Variants in PSG9 observed in about 807,000 individuals in gnomAD.
PSG9 encodes pregnancy specific beta-1-glycoprotein 9, also known as pregnancy-specific beta-1-glycoprotein 9.
A neutral mutation model predicts 41.9 loss-of-function variants in PSG9; 49 were observed. The observed-to-expected ratio is 1.17, with a 90% confidence interval of 0.93 to 1.48. The LOEUF is 1.48. Ranked by LOEUF, PSG9 falls within the 40% of genes most tolerant of loss-of-function variation. The probability of loss-of-function intolerance (pLI) is 0.00; values close to 1 mark genes in which losing one functional copy is unlikely to be tolerated. For missense variants in PSG9, 641 were observed against 520.3 expected, an observed-to-expected ratio of 1.23 and a Z score of -2.26; for synonymous variants, 263 against 196.8, an observed-to-expected ratio of 1.34 and a Z score of -2.82.
chr19:43,254,127 G>A (rs1392118395), intron 5 of PSG9, among the ~76,000 whole-genome samples: 2 of 145,548 alleles, frequency 1.4e-5, no homozygotes, highest in African/African-American at 2.6e-5. Flanking sequence ...GAAAAAGGTA[G>A]GTACTGTTGA....
rs1969060259 is a variant in PSG9, at chr19:43,268,016, G to A, written c.198C>T (p.Phe66=). 3 of 1,613,862 alleles carry A rather than the reference G, an allele frequency of 1.9e-6. No individual in the cohort carries two copies. Among genetic ancestry groups the A allele is most frequent in the Non-Finnish European group, 2.5e-6 (3 of 1,179,916 alleles). ...GGTCCGTCATTTCCCCTTTGTACCA[G>A]AAGTAGCCAGGAAGATTCTGGGGCA... ...HNLPQNLPGY[F]WYKGEMTDLY... is the part of the protein sequence containing the mutation. Residue 66 remains phenylalanine, a synonymous_variant, in exon 2 of 6, where the codon TTC becomes TTT. Coordinates refer to ENST00000270077, the MANE Select transcript of PSG9 (RefSeq NM_002784.5).
At position 43,258,203 on chromosome 19, in the gene PSG9, AG is replaced by A. The variant is rs1312943738; in HGVS notation, c.1241del (p.Ser414LeufsTer8). On this transcript the variant is annotated frameshift_variant and splice_region_variant, in exon 5 of 6. Coordinates refer to ENST00000270077, the MANE Select transcript of PSG9 (RefSeq NM_002784.5). LOFTEE classifies it high-confidence loss of function. ...CCAAGGATGCTGGGATCCACTTACC[AG>A]AGACTTTGACTGTCATGGATTTGGA... ...EISKSMTVKV[S>X]GPCHGDLTES... 11 of 1,592,808 alleles carry A rather than the reference AG, an allele frequency of 6.9e-6. No homozygotes were observed. The highest frequency in any genetic ancestry group is 9.4e-6 in the Non-Finnish European group (11 of 1,174,508).
rs1053435126 is a variant in PSG9, at chr19:43,257,335, A to C, written c.1243+867T>G. 3.3e-6 allele frequency: 3 copies of C among 918,882 alleles called. 1 individual carries two copies. Among genetic ancestry groups the C allele is most frequent in the Admixed American group, 1.3e-4 (2 of 15,732 alleles). The allele number at this position is 918,882 out of a possible 1,614,324, so 56.9% of individuals were successfully genotyped here. A position where few individuals can be genotyped will look rare whatever the true frequency, so the allele number is the denominator to read the frequency against. ...AATAGTTAATGGTAAGTCTTATATT[A>C]GATATATATAAAGTGTCTGGTAGTC... On this transcript the variant is annotated intron_variant, in intron 5 of 5. Transcript: ENST00000270077.
chr19:43,255,262 G>A (rs962687016), intron 5 of PSG9, among the ~76,000 whole-genome samples: 11 of 146,304 alleles, frequency 7.5e-5, no homozygotes, highest in South Asian at 2.2e-4. Context: ...AAAAATATGA[G>A]TATAACTATA....
intron 5 of PSG9, among the ~76,000 whole-genome samples, chr19:43,255,144 C>G (rs1249455997): frequency 7.0e-6 from 1 of 141,958 alleles, no homozygotes; most frequent in African/African-American, 2.7e-5. Context: ...AAAAATGAAG[C>G]GATTACTACC....
intron 3 of PSG9, chr19:43,260,552 C>A (rs1432065197): frequency 6.8e-6 from 1 of 146,822 alleles, no homozygotes; most frequent in Non-Finnish European, 1.5e-5. Context: ...CAATTCCATA[C>A]TGGCCATGCT....
In PSG9 at chr19:43,255,487, G is replaced by T. The variant is rs184850180; in HGVS notation, c.1244-1841C>A. ...CCTGCTTTTGACACTTTTATTCAAC[G>T]TAGTATTGAAAGGTCTAGTCAGAAA... On this transcript the variant is annotated intron_variant, in intron 5 of 5. Coordinates refer to ENST00000270077, the MANE Select transcript of PSG9 (RefSeq NM_002784.5). Among the ~76,000 whole-genome samples, 435 of 146,202 alleles carry T rather than the reference G, an allele frequency of 3.0e-3. 63 individuals are homozygous for T. The highest frequency in any genetic ancestry group is 0.011 in the African/African-American group (415 of 38,504).
rs752994722 is a variant in PSG9, at chr19:43,269,433, G to A, written c.-2C>T. The stretch of plus-strand genomic sequence containing the variant: ...GGAAGGGGCTGGGAGGGGCCCCATG[G>A]TCTCTGCTGCCTGTGTGTTCTCCTC... On this transcript the variant is annotated 5_prime_UTR_variant, in exon 1 of 6. Coordinates refer to ENST00000270077, the MANE Select transcript of PSG9 (RefSeq NM_002784.5). 1.9e-6 allele frequency: 3 copies of A among 1,613,582 alleles called. No individual in the cohort carries two copies. Among genetic ancestry groups the A allele is most frequent in the Non-Finnish European group, 2.5e-6 (3 of 1,179,650 alleles).
Position 43,258,901 on chromosome 19 carries a change from C to A in PSG9, c.944G>T (p.Arg315Leu). Reference protein sequence around the residue: ...TGPYQCEIRDRYGGLRSNPVI... With the variant: ...TGPYQCEIRDLYGGLRSNPVI... ...TGGGTTACTGCGGAGGCCACCATAT[C>A]GGTCCCGTATTTCACATTGATAGGG... The change falls in exon 4 of 6, where the codon CGA (arginine) becomes CTA (leucine). Residue 315 changes from arginine to leucine, a missense_variant. Transcript: ENST00000270077. The A allele has an allele frequency of 6.3e-7, 1 of 1,587,498 alleles. No individual in the cohort carries two copies. Among genetic ancestry groups the A allele is most frequent in the South Asian group, 1.1e-5 (1 of 89,712 alleles).
At chr19:43,259,336 A>G (rs1968601294) in intron 3 of PSG9, 5 of 1,043,258 alleles carry the variant, frequency 4.8e-6, no homozygotes, top group Non-Finnish European at 6.5e-6. Flanking sequence ...GTCTTAGGGA[A>G]GCACAGACTT....
Position 43,258,150 on chromosome 19 carries a change from C to T in PSG9, c.1243+52G>A, listed in dbSNP as rs372753757. The T allele has an allele frequency of 1.4e-5, 22 of 1,591,660 alleles. 1 individual carries two copies. The highest frequency in any genetic ancestry group is 1.8e-5 in the Non-Finnish European group (21 of 1,174,338). On this transcript the variant is annotated intron_variant, in intron 5 of 5. Coordinates refer to ENST00000270077, the MANE Select transcript of PSG9 (RefSeq NM_002784.5). ...GTTTTCCTGACTCTTCTCTGAAAGCCAGATAGACTCCACATAAAACCCTAC... is the reference window on the plus strand; with the variant it reads ...GTTTTCCTGACTCTTCTCTGAAAGCTAGATAGACTCCACATAAAACCCTAC...
chr19:43,256,800 CT>C (rs772091344), intron 5 of PSG9, among the ~76,000 whole-genome samples: 4 of 146,768 alleles, frequency 2.7e-5, no homozygotes, highest in Non-Finnish European at 4.4e-5. Context: ...GTGGCTGTTT[CT>C]CAAAAAATTA....
At chr19:43,266,257 G>T (rs997535029) in intron 2 of PSG9, among the ~76,000 whole-genome samples, 8 of 152,106 alleles carry the variant, frequency 5.3e-5, no homozygotes, top group East Asian at 3.9e-4. Context: ...GAGGTGGGGT[G>T]GCTTTAGGGG....
Position 43,268,790 on chromosome 19 carries a change from T to C in PSG9, c.64+578A>G, listed in dbSNP as rs1240310447. Among the ~76,000 whole-genome samples, 4 of 152,168 alleles carry C rather than the reference T, an allele frequency of 2.6e-5. No individual in the cohort carries two copies. In the East Asian group the frequency reaches 7.7e-4, roughly 29 times the overall value. ...GTTTTTTGCTGAGGATAGTGTTTCATGTCCTGCTTATATTTTTATTTGAAG... is the reference window on the plus strand; with the variant it reads ...GTTTTTTGCTGAGGATAGTGTTTCACGTCCTGCTTATATTTTTATTTGAAG... On this transcript the variant is annotated intron_variant, in intron 1 of 5. Transcript: ENST00000270077.
At position 43,269,380 on chromosome 19, in the gene PSG9, G is replaced by A. The variant is rs8101191; in HGVS notation, c.52C>T (p.Leu18Phe). ...GTTCTCTCCTCACCTGTGAGCAGGA[G>A]CCCCTTCCAGGTGATGCGCTGTGTG... ...SCTQRITWKGLLLTASLLNFW... is the reference protein window; with the variant it reads ...SCTQRITWKGFLLTASLLNFW... The change falls in exon 1 of 6, where the codon CTC becomes TTC. Residue 18 changes from leucine (L) to phenylalanine (F), a missense_variant. Physicochemically the swap from Leu to Phe is conservative, Grantham distance 22. Coordinates refer to ENST00000270077, the MANE Select transcript of PSG9 (RefSeq NM_002784.5). 9 of 1,613,326 alleles carry A rather than the reference G, an allele frequency of 5.6e-6. No individual in the cohort carries two copies. Among genetic ancestry groups the A allele is most frequent in the East Asian group, 2.2e-5 (1 of 44,810 alleles).
rs1348580655 is a variant in PSG9, at chr19:43,258,572, A to G, written c.989-116T>C. On this transcript the variant is annotated intron_variant, in intron 4 of 5. Coordinates refer to ENST00000270077, the MANE Select transcript of PSG9 (RefSeq NM_002784.5). ...CAAGACACACCCTCAAGTCCCAGCC[A>G]AAGTCCCTCTATGTTCACTGAGCTG... 4.8e-6 allele frequency: 7 copies of G among 1,455,998 alleles called. 1 individual carries two copies. The highest frequency in any genetic ancestry group is 6.4e-6 in the Non-Finnish European group (7 of 1,099,706). The allele number at this position is 1,455,998 out of a possible 1,614,324, so 90.2% of individuals were successfully genotyped here. A position where few individuals can be genotyped will look rare whatever the true frequency, so the allele number is the denominator to read the frequency against.
rs1234169176 is a variant in PSG9 at position 43,267,931 on chromosome 19, A to G, written c.283T>C (p.Tyr95His). ...DGKIIIYGPA[Y>H]SGRETVYSNA... ...GAATATACTGTTTCTCTTCCACTGTATGCAGGCCCATATATAATTATTTTA... is the reference window on the plus strand; with the variant it reads ...GAATATACTGTTTCTCTTCCACTGTGTGCAGGCCCATATATAATTATTTTA... Residue 95 changes from tyrosine to histidine, a missense_variant, in exon 2 of 6, where the codon TAC becomes CAC. Physicochemically the swap from Tyr to His is moderately conservative, Grantham distance 83 (BLOSUM62 2). Coordinates refer to ENST00000270077, the MANE Select transcript of PSG9 (RefSeq NM_002784.5). 5.0e-6 allele frequency: 8 copies of G among 1,613,634 alleles called. No homozygotes were observed. Among genetic ancestry groups the G allele is most frequent in the Non-Finnish European group, 6.8e-6 (8 of 1,179,744 alleles).
At position 43,258,570 on chromosome 19, in the gene PSG9, C is replaced by T. The variant is rs1231817393; in HGVS notation, c.989-114G>A. Reference sequence around the variant, plus strand: ...GCCAAGACACACCCTCAAGTCCCAGCCAAAGTCCCTCTATGTTCACTGAGC... The same window carrying T: ...GCCAAGACACACCCTCAAGTCCCAGTCAAAGTCCCTCTATGTTCACTGAGC... On this transcript the variant is annotated intron_variant, in intron 4 of 5. Transcript: ENST00000270077. 1.2e-5 allele frequency: 17 copies of T among 1,457,598 alleles called. 1 individual carries two copies. The highest frequency in any genetic ancestry group is 1.5e-5 in the Non-Finnish European group (16 of 1,101,026). The allele number at this position is 1,457,598 out of a possible 1,614,324, so 90.3% of individuals were successfully genotyped here.
chr19:43,265,980 C>A (rs8109664), intron 2 of PSG9, among the ~76,000 whole-genome samples: 18,191 of 151,828 alleles, frequency 0.12, 1,532 homozygotes, highest in East Asian at 0.37. Context: ...GGAAGGGAAC[C>A]GAACAGCCAG....
Sources: allele counts gnomAD v4.1 joint callset (sites outside exome capture counted in the v4.1 genomes callset), GRCh38; gene constraint gnomAD v4.1.1; transcripts MANE v1.5; gene names NCBI Gene and HGNC (gene_info 2026-07-23, HGNC 2026-07-21).